The following SAMD3 variants were observed in gnomAD, a reference collection of about 807,000 sequenced individuals.
SAMD3 encodes the protein sterile alpha motif domain containing 3.
A neutral mutation model predicts 58.5 loss-of-function variants in SAMD3; 63 were observed. The observed-to-expected ratio is 1.08, with a 90% confidence interval of 0.88 to 1.33. The LOEUF is 1.33. Ranked by LOEUF, SAMD3 falls within the 40% of genes most tolerant of loss-of-function variation. SAMD3 has a pLI of 0.00. For missense variants in SAMD3, 604 were observed against 608.4 expected (o/e 0.99, Z 0.08); for synonymous variants, 220 against 210.3 (o/e 1.05, Z -0.40).
At chr6:130,264,589 C>T (rs896517032) in intron 2 of SAMD3, among the ~76,000 whole-genome samples, 11 of 152,136 alleles carry the variant, frequency 7.2e-5, no homozygotes, top group African/African-American at 2.7e-4. Flanking sequence ...GGAGAAGCCC[C>T]TTATGGGTCT....
chr6:130,349,132 A>G (rs2115033150), intron 1 of SAMD3, among the ~76,000 whole-genome samples: 1 of 152,378 alleles, frequency 6.6e-6, no homozygotes, highest in East Asian at 1.9e-4. Context: ...AGCAGGAAAG[A>G]TCTAAAATGG....
In SAMD3 at chr6:130,197,466, C is replaced by T. The variant is rs564748907; in HGVS notation, c.383+12029G>A. 2.6e-5 allele frequency among the ~76,000 whole-genome samples: 4 copies of T among 152,308 alleles called. No homozygotes were observed. In the South Asian group the frequency reaches 8.3e-4, roughly 32 times the overall value. On this transcript the variant is annotated intron_variant, in intron 5 of 11. Transcript: ENST00000439090. ...ACTATGCTGAATCTCCTTAGGCACT[C>T]TCTAATCAGATGTCCTGAGTCGTCC... is the stretch of plus-strand genomic sequence containing the variant.
chr6:130,365,629 G>C (rs1778116465), upstream of SAMD3: 2 of 985,356 alleles, frequency 2.0e-6, no homozygotes, highest in South Asian at 4.7e-5. Context: ...CTCGGTAACC[G>C]GTGGTCCCGC....
chr6:130,220,722 C>T lies in SAMD3; in HGVS notation c.-68+1972G>A, dbSNP rs189856035. Among the ~76,000 whole-genome samples the T allele has an allele frequency of 2.6e-5, 4 of 152,252 alleles. No individual in the cohort carries two copies. In the East Asian group the frequency reaches 7.7e-4, roughly 29 times the overall value. On this transcript the variant is annotated intron_variant, in intron 1 of 11. Transcript: ENST00000439090. ...AAATAGGTAAAAAGAACGAAAAATG[C>T]TTGACAAAAGGACTTGCACTTCCAG...
chr6:130,297,773 A>C (rs1260506418), intron 2 of SAMD3, among the ~76,000 whole-genome samples: 2 of 152,230 alleles, frequency 1.3e-5, no homozygotes, highest in Non-Finnish European at 2.9e-5. Context: ...GGCAAAGCAG[A>C]AGAAAGCATT....
At chr6:130,178,947 A>G (rs759052974) in intron 7 of SAMD3, among the ~76,000 whole-genome samples, 1 of 152,158 alleles carries the variant, frequency 6.6e-6, no homozygotes, top group Non-Finnish European at 1.5e-5. Context: ...GGACTTTACC[A>G]TTGCTGTTTT....
intron 1 of SAMD3, among the ~76,000 whole-genome samples, chr6:130,351,326 G>C (rs999199704): frequency 5.3e-5 from 8 of 151,912 alleles, no homozygotes; most frequent in African/African-American, 1.7e-4. Context: ...CAATCTACTC[G>C]TCTGACAAAG....
intron 2 of SAMD3, among the ~76,000 whole-genome samples, chr6:130,280,114 T>C (rs1259067646): frequency 2.0e-5 from 3 of 152,168 alleles, no homozygotes; most frequent in Non-Finnish European, 2.9e-5. Flanking sequence ...ATGTTTTCTG[T>C]TGTGTTGTTT....
At chr6:130,277,478 T>C (rs12202107) in intron 2 of SAMD3, among the ~76,000 whole-genome samples, 47,299 of 152,094 alleles carry the variant, frequency 0.31, 7,735 homozygotes, top group East Asian at 0.47. Flanking sequence ...CACTAATTGA[T>C]CAGCCATACT....
intron 1 of SAMD3, among the ~76,000 whole-genome samples, chr6:130,322,257 A>T (rs1395539331): frequency 6.6e-6 from 1 of 152,184 alleles, no homozygotes; most frequent in Non-Finnish European, 1.5e-5. Context: ...AACCAGCAGC[A>T]GGCTGAGAGA....
chr6:130,350,097 A>C (rs1777604965), intron 1 of SAMD3, among the ~76,000 whole-genome samples: 1 of 152,200 alleles, frequency 6.6e-6, no homozygotes, highest in South Asian at 2.1e-4. Context: ...TATCTATGAC[A>C]AACCCACAGC....
chr6:130,173,260 G>A (rs955746361), intron 8 of SAMD3, among the ~76,000 whole-genome samples: 31 of 152,192 alleles, frequency 2.0e-4, no homozygotes, highest in African/African-American at 7.5e-4. Context: ...TGGAGGAGAA[G>A]AGGAATTCTG....
chr6:130,156,695 G>A (rs1292918313), intron 8 of SAMD3, among the ~76,000 whole-genome samples: 3 of 152,154 alleles, frequency 2.0e-5, no homozygotes, highest in African/African-American at 4.8e-5. Context: ...TGATTGTTGG[G>A]CACAGCAGCT....
intron 2 of SAMD3, among the ~76,000 whole-genome samples, chr6:130,294,907 T>C (rs1775506104): frequency 7.4e-6 from 1 of 134,436 alleles, no homozygotes; most frequent in Non-Finnish European, 1.5e-5. Flanking sequence ...TACATTTCTC[T>C]GATTTTTTTT....
At chr6:130,238,485 AT>A (rs1275733288) in intron 2 of SAMD3, among the ~76,000 whole-genome samples, 1 of 152,182 alleles carries the variant, frequency 6.6e-6, no homozygotes, top group African/African-American at 2.4e-5. Flanking sequence ...ATGTTTAATT[AT>A]TTTAAAAAAA....
intron 2 of SAMD3, among the ~76,000 whole-genome samples, chr6:130,306,062 C>T (rs1775902161): frequency 1.3e-5 from 2 of 152,094 alleles, no homozygotes; most frequent in Admixed American, 6.6e-5. Context: ...GACACTAATC[C>T]CACTGATCTA....
intron 2 of SAMD3, among the ~76,000 whole-genome samples, chr6:130,251,976 A>T (rs960633364): frequency 1.3e-5 from 2 of 151,442 alleles, no homozygotes; most frequent in African/African-American, 4.9e-5. Flanking sequence ...TTCTGTTTAG[A>T]TGTTCTATTC....
chr6:130,322,584 C>T (rs943978906), intron 1 of SAMD3, among the ~76,000 whole-genome samples: 6 of 152,046 alleles, frequency 3.9e-5, no homozygotes, highest in Admixed American at 6.6e-5. Context: ...TGCAGTGAGC[C>T]GAGATTGCAC....
Position 130,326,462 on chromosome 6 carries a change from T to C in SAMD3, c.-303-13369A>G, listed in dbSNP as rs74458760. The stretch of plus-strand genomic sequence containing the variant: ...CTTTTTTCTGAAGTCCCAGGTTGTA[T>C]TACATGCCCCCTTTCTTTTGTCCTA... On this transcript the variant is annotated intron_variant, in intron 1 of 13. Transcript: ENST00000368134. Among the ~76,000 whole-genome samples the C allele has an allele frequency of 4.1e-3, 617 of 151,366 alleles. 5 individuals are homozygous for C. Among genetic ancestry groups the C allele is most frequent in the African/African-American group, 0.014 (572 of 41,178 alleles).
Sources: allele counts gnomAD v4.1 joint callset (sites outside exome capture counted in the v4.1 genomes callset), GRCh38; gene constraint gnomAD v4.1.1; transcripts MANE v1.5; gene names NCBI Gene and HGNC (gene_info 2026-07-23, HGNC 2026-07-21).